Variants in GMDS observed in about 807,000 individuals in gnomAD.
GMDS encodes GDP-mannose 4,6 dehydratase.
GMDS carries 20 observed loss-of-function variants against 49.9 expected under a neutral mutation model. The ratio of observed to expected loss-of-function variants is 0.40; its 90% CI spans 0.28 to 0.58. GMDS has a LOEUF of 0.58. Among genes scored for constraint, GMDS ranks in the 20% least tolerant of loss-of-function variants. The pLI is 0.42. For missense variants in GMDS, 362 were observed against 481.4 expected (o/e 0.75, Z 2.32); for synonymous variants, 177 against 178.6 (o/e 0.99, Z 0.07).
intron 1 of GMDS, among the ~76,000 whole-genome samples, chr6:2,151,798 C>A (rs1776858210): frequency 6.6e-6 from 1 of 152,072 alleles, no homozygotes; most frequent in African/African-American, 2.4e-5. Flanking sequence ...TAAATCCATT[C>A]ATCTTAATCT....
intron 4 of GMDS, among the ~76,000 whole-genome samples, chr6:2,014,165 G>T (rs545310441): frequency 7.6e-6 from 1 of 130,962 alleles, no homozygotes; most frequent in South Asian, 2.4e-4. Context: ...AAATAAAACT[G>T]AGGGAATGTA....
chr6:2,189,563 C>T (rs1419637843), intron 1 of GMDS, among the ~76,000 whole-genome samples: 1 of 152,148 alleles, frequency 6.6e-6, no homozygotes, highest in African/African-American at 2.4e-5. Context: ...GATTTAGAAG[C>T]CCAGGGTGGG....
At chr6:1,644,196 G>A (rs1387046378) in intron 9 of GMDS, among the ~76,000 whole-genome samples, 5 of 152,182 alleles carry the variant, frequency 3.3e-5, no homozygotes, top group Admixed American at 1.3e-4. Context: ...AGGGACCCAC[G>A]CGGGGAGGGC....
chr6:2,104,662 C>G (rs1192832186), intron 4 of GMDS, among the ~76,000 whole-genome samples: 4 of 152,036 alleles, frequency 2.6e-5, no homozygotes, highest in Non-Finnish European at 4.4e-5. Flanking sequence ...ATTTATAAAA[C>G]TGAAAAATGA....
chr6:1,647,476 T>C (rs934609542), intron 9 of GMDS, among the ~76,000 whole-genome samples: 2 of 152,150 alleles, frequency 1.3e-5, no homozygotes, highest in Non-Finnish European at 1.5e-5. Context: ...GAAATAAGAA[T>C]TAATACCTTC....
At chr6:1,737,691 TAC>T (rs560070555) in intron 8 of GMDS, among the ~76,000 whole-genome samples, 15 of 114,056 alleles carry the variant, frequency 1.3e-4, no homozygotes, top group South Asian at 5.7e-4. Context: ...CACACATACA[TAC>T]ACACACACGC....
intron 1 of GMDS, among the ~76,000 whole-genome samples, chr6:2,236,556 A>G (rs997991586): frequency 6.6e-6 from 1 of 152,234 alleles, no homozygotes; most frequent in African/African-American, 2.4e-5. Flanking sequence ...AAACACGTTT[A>G]TCAATATTGA....
intron 1 of GMDS, among the ~76,000 whole-genome samples, chr6:2,167,456 C>A (rs1777724318): frequency 1.3e-5 from 2 of 152,146 alleles, no homozygotes; most frequent in African/African-American, 4.8e-5. Flanking sequence ...CATTGTCTAC[C>A]AGAACATCAT....
At chr6:2,240,883 G>T (rs1781585862) in intron 1 of GMDS, among the ~76,000 whole-genome samples, 1 of 152,198 alleles carries the variant, frequency 6.6e-6, no homozygotes, top group African/African-American at 2.4e-5. Context: ...AAGGGAAACA[G>T]ATCAGAAAAA....
At chr6:1,929,964 C>G in intron 7 of GMDS, 139 bp downstream of exon 7, 1 of 698,426 alleles carries the variant, frequency 1.4e-6, no homozygotes, top group Non-Finnish European at 2.4e-6. Context: ...GAAGTGAAAG[C>G]AGCATGAGTG....
At chr6:2,079,960 A>G (rs944620636) in intron 4 of GMDS, among the ~76,000 whole-genome samples, 5 of 152,116 alleles carry the variant, frequency 3.3e-5, no homozygotes, top group Non-Finnish European at 1.5e-5. Flanking sequence ...TGGTGGCTTT[A>G]TAGTATCCCA....
intron 8 of GMDS, among the ~76,000 whole-genome samples, chr6:1,728,956 A>AT (rs1373567889): frequency 6.6e-6 from 1 of 151,894 alleles, no homozygotes; most frequent in East Asian, 1.9e-4. Flanking sequence ...AAAAAAAAAA[A>AT]ACAAAAAACA....
At chr6:2,084,915 T>C (rs976565754) in intron 4 of GMDS, among the ~76,000 whole-genome samples, 1 of 152,182 alleles carries the variant, frequency 6.6e-6, no homozygotes, top group African/African-American at 2.4e-5. Context: ...TCTGACACTA[T>C]TAAAGTGAAA....
chr6:1,647,342 G>C (rs1467772667), intron 9 of GMDS, among the ~76,000 whole-genome samples: 1 of 152,140 alleles, frequency 6.6e-6, no homozygotes, highest in Non-Finnish European at 1.5e-5. Context: ...AGAGCTACTG[G>C]GGAGACATGG....
intron 6 of GMDS, among the ~76,000 whole-genome samples, chr6:1,955,897 A>C (rs567748052): frequency 1.3e-5 from 2 of 152,324 alleles, no homozygotes; most frequent in Admixed American, 6.5e-5. Flanking sequence ...ACTATGCTAC[A>C]TGTATATCAT....
intron 7 of GMDS, among the ~76,000 whole-genome samples, chr6:1,890,140 C>T (rs753992604): frequency 7.9e-5 from 12 of 151,890 alleles, no homozygotes; most frequent in Admixed American, 6.6e-4. Flanking sequence ...TCTTGAACAC[C>T]GAGAAACTGT....
At chr6:1,718,325 T>A (rs1311440402) in intron 9 of GMDS, among the ~76,000 whole-genome samples, 1 of 152,112 alleles carries the variant, frequency 6.6e-6, no homozygotes, top group Non-Finnish European at 1.5e-5. Flanking sequence ...ACGGAACACC[T>A]CAACACCTCC....
chr6:2,044,929 A>G (rs1315417897), intron 4 of GMDS, among the ~76,000 whole-genome samples: 2 of 151,864 alleles, frequency 1.3e-5, no homozygotes, highest in African/African-American at 4.8e-5. Flanking sequence ...TAACTTTACA[A>G]TTCGATTAGG....
chr6:1,809,451 T>C (rs533307586), intron 7 of GMDS, among the ~76,000 whole-genome samples: 14 of 152,290 alleles, frequency 9.2e-5, no homozygotes, highest in Admixed American at 5.2e-4. Flanking sequence ...AGCTGTAAAA[T>C]TGCCAAATAT....
Sources: allele counts gnomAD v4.1 joint callset (sites outside exome capture counted in the v4.1 genomes callset), GRCh38; gene constraint gnomAD v4.1.1; transcripts MANE v1.5; gene names NCBI Gene and HGNC (gene_info 2026-07-23, HGNC 2026-07-21).